Variants in CIROZ observed in about 807,000 individuals in gnomAD.
The protein encoded by CIROZ is ciliated left-right organizer ZP-N domains-containing protein.
the CIROZ span, chr1:10,976,103 AT>A: frequency 2.4e-4 from 354 of 1,470,098 alleles, no homozygotes; most frequent in Non-Finnish European, 3.1e-4. Flanking sequence ...CAGTCTGCTC[AT>A]TGGGGAAATA....
chr1:10,949,597 G>A, the CIROZ span: 3 of 1,582,530 alleles, frequency 1.9e-6, no homozygotes, highest in Admixed American at 3.6e-5. Context: ...AGGAAACCAT[G>A]GGCAGAGGAT....
chr1:10,955,273 GC>G, the CIROZ span: 1 of 1,287,818 alleles, frequency 7.8e-7, no homozygotes, highest in Non-Finnish European at 1.1e-6. Context: ...TTTGCCAGGG[GC>G]CACACCTGTG....
At chr1:10,949,586 G>A in the CIROZ span, 1 of 1,570,798 alleles carries the variant, frequency 6.4e-7, no homozygotes, top group South Asian at 1.2e-5. Flanking sequence ...AGACTCTTTG[G>A]AGGAAACCAT....
chr1:10,974,326 G>T, the CIROZ span, among the ~76,000 whole-genome samples: 1 of 152,072 alleles, frequency 6.6e-6, no homozygotes, highest in African/African-American at 2.4e-5. The surrounding 1 kb of genome is among the most constrained non-coding windows in gnomAD (Gnocchi z 4.4). Context: ...ACAGGAAGAC[G>T]AGCGCAGAGA....
the CIROZ span, chr1:10,970,009 C>T: frequency 6.5e-7 from 1 of 1,536,918 alleles, no homozygotes; most frequent in East Asian, 2.4e-5. Context: ...CGCCTCAGCC[C>T]CTCCACGTGG....
At chr1:10,950,250 G>A in the CIROZ span, among the ~76,000 whole-genome samples, 1 of 152,020 alleles carries the variant, frequency 6.6e-6, no homozygotes, top group Non-Finnish European at 1.5e-5. Context: ...AGCCAGGCTG[G>A]TCTCGAACTC....
chr1:10,967,528 A>G, the CIROZ span, among the ~76,000 whole-genome samples: 3 of 152,092 alleles, frequency 2.0e-5, no homozygotes, highest in Non-Finnish European at 4.4e-5. Context: ...CTAACCAACT[A>G]TCTTACTGGC....
At chr1:10,948,753 C>T in the CIROZ span, 5 of 1,540,154 alleles carry the variant, frequency 3.2e-6, no homozygotes, top group Admixed American at 4.1e-5. Context: ...CTGGGGACCT[C>T]GCTGAGCTTG....
chr1:10,949,335 A>C, the CIROZ span: 1 of 475,050 alleles, frequency 2.1e-6, no homozygotes, highest in Admixed American at 3.5e-5. Context: ...CTGACCCCCC[A>C]CCCTCTGCTG....
At chr1:10,946,660 T>C in the CIROZ span, 12 of 152,332 alleles carry the variant, frequency 7.9e-5, no homozygotes, top group African/African-American at 2.9e-4. Flanking sequence ...CAGCCACAGC[T>C]GGGCATCTAA....
chr1:10,958,758 G>A, the CIROZ span: 5 of 1,613,776 alleles, frequency 3.1e-6, 1 homozygote, highest in Non-Finnish European at 4.2e-6. Flanking sequence ...GAGACCTGCA[G>A]AGACAAAGAG....
the CIROZ span, chr1:10,949,395 C>G: frequency 1.7e-6 from 1 of 579,898 alleles, no homozygotes; most frequent in East Asian, 3.1e-5. Context: ...TGATCCAGGC[C>G]GACAGATGAG....
At chr1:10,957,163 A>G in the CIROZ span, 2 of 1,420,392 alleles carry the variant, frequency 1.4e-6, no homozygotes, top group Non-Finnish European at 1.9e-6. Context: ...TTCCAGATGC[A>G]GACTCCCTCC....
At chr1:10,972,389 T>C in the CIROZ span, among the ~76,000 whole-genome samples, 1 of 148,676 alleles carries the variant, frequency 6.7e-6, no homozygotes, top group East Asian at 2.0e-4. Context: ...CACTCCAGCC[T>C]GGGCAACCTA....
chr1:10,949,312 G>T, the CIROZ span: 2 of 415,340 alleles, frequency 4.8e-6, no homozygotes, highest in African/African-American at 4.1e-5. Context: ...CCCTCCATTT[G>T]TGTGCATAGC....
At chr1:10,966,909 G>A in the CIROZ span, among the ~76,000 whole-genome samples, 1 of 152,092 alleles carries the variant, frequency 6.6e-6, no homozygotes, top group African/African-American at 2.4e-5. Context: ...AGCACTTTGG[G>A]AGGCCGAGGT....
the CIROZ span, chr1:10,947,744 G>C: frequency 6.3e-7 from 1 of 1,585,912 alleles, no homozygotes; most frequent in South Asian, 1.1e-5. Flanking sequence ...TGAGGGCCAA[G>C]GTGGGCTCTG....
the CIROZ span, chr1:10,964,177 C>CTAA: frequency 6.2e-7 from 1 of 1,614,174 alleles, no homozygotes; most frequent in South Asian, 1.1e-5. Context: ...CAGCCTTGAC[C>CTAA]TTAGCATCGG....
chr1:10,962,629 C>G, the CIROZ span, among the ~76,000 whole-genome samples: 2 of 152,158 alleles, frequency 1.3e-5, no homozygotes, highest in Non-Finnish European at 2.9e-5. Context: ...ATCCCCAGCC[C>G]CCACCATGTG....
Sources: gnomAD v4.1 joint callset for allele counts (sites outside exome capture counted in the v4.1 genomes callset) on GRCh38, gnomAD v4.1.1 for gene constraint, Gnocchi (gnomAD v3.1) non-coding constraint, MANE v1.5 for transcripts, NCBI Gene and HGNC (gene_info 2026-07-23, HGNC 2026-07-21) for gene names.